Variants in NPAT observed in about 807,000 individuals in gnomAD.
NPAT encodes protein NPAT.
NPAT carries 52 observed loss-of-function variants against 130.7 expected under a neutral mutation model. The ratio of observed to expected loss-of-function variants is 0.40; its 90% CI spans 0.32 to 0.50. The LOEUF is 0.50. Ranked by LOEUF, NPAT falls within the 20% of genes least tolerant of loss-of-function variation. NPAT has a pLI of 0.68. For synonymous variants in NPAT, 580 were observed against 584.8 expected (o/e 0.99, Z 0.12); for missense variants, 1,687 against 1,662.6 (o/e 1.01, Z -0.26).
At chr11:108,187,552 C>A (rs1345353624) in intron 7 of NPAT, among the ~76,000 whole-genome samples, 1 of 152,034 alleles carries the variant, frequency 6.6e-6, no homozygotes, top group Non-Finnish European at 1.5e-5. Flanking sequence ...GAATGAAAGA[C>A]AACCAAAAGT....
intron 15 of NPAT, among the ~76,000 whole-genome samples, chr11:108,169,542 G>A (rs748994071): frequency 2.0e-5 from 3 of 152,198 alleles, no homozygotes; most frequent in Non-Finnish European, 4.4e-5. Flanking sequence ...AAAGCTAACA[G>A]ATTCAACAAA....
intron 1 of NPAT, among the ~76,000 whole-genome samples, chr11:108,209,856 T>C (rs111741588): frequency 0.12 from 15,187 of 127,724 alleles, 1,119 homozygotes; most frequent in Non-Finnish European, 0.15. Flanking sequence ...GCCGCTGCAC[T>C]CCAGCCTGGG....
chr11:108,159,878 C>A (rs2077828843), intron 17 of NPAT, among the ~76,000 whole-genome samples: 1 of 151,352 alleles, frequency 6.6e-6, no homozygotes, highest in Admixed American at 6.6e-5. Flanking sequence ...AATGACCAGG[C>A]GTGGTGGCTC....
intron 1 of NPAT, among the ~76,000 whole-genome samples, chr11:108,210,764 AC>A (rs1350909635): frequency 1.3e-5 from 2 of 152,348 alleles, no homozygotes; most frequent in East Asian, 3.9e-4. Flanking sequence ...AAATGCCCTC[AC>A]TGGTGAATTC....
At chr11:108,207,147 C>T (rs1415632312) in intron 1 of NPAT, among the ~76,000 whole-genome samples, 1 of 152,222 alleles carries the variant, frequency 6.6e-6, no homozygotes, top group Non-Finnish European at 1.5e-5. Context: ...ATGAGACCCA[C>T]AGTGAGTAGC....
intron 1 of NPAT, among the ~76,000 whole-genome samples, chr11:108,204,039 G>A (rs1273753953): frequency 1.2e-4 from 18 of 152,192 alleles, no homozygotes; most frequent in Admixed American, 1.2e-3. Context: ...CTCTGAGAGA[G>A]ATCAGACTGC....
At position 108,220,752 on chromosome 11, in the gene NPAT, A is replaced by G. The variant is rs151322514; in HGVS notation, c.37+1748T>C. The stretch of plus-strand genomic sequence containing the variant: ...TTTTTTGTATTGTATACTCCTGCCC[A>G]TCTGAAATTTTTAGTAAGAATAGAA... On this transcript the variant is annotated intron_variant, in intron 1 of 17. Coordinates refer to ENST00000278612, the MANE Select transcript of NPAT (RefSeq NM_002519.3). 8.5e-5 allele frequency among the ~76,000 whole-genome samples: 13 copies of G among 152,350 alleles called. 2 individuals are homozygous for G. The highest frequency in any genetic ancestry group is 3.1e-4 in the African/African-American group (13 of 41,588).
intron 10 of NPAT, among the ~76,000 whole-genome samples, chr11:108,177,758 C>G (rs1268505294): frequency 6.6e-6 from 1 of 151,918 alleles, no homozygotes; most frequent in Non-Finnish European, 1.5e-5. Flanking sequence ...CTCTGTCACC[C>G]AAGCTGGAGT....
chr11:108,169,941 G>C lies in NPAT; in HGVS notation c.2888C>G (p.Thr963Ser). Residue 963 changes from threonine to serine, a missense_variant, in exon 14 of 18, where the codon ACT becomes AGT. This residue lies in a region of NPAT where 1,379 missense variants were observed against 1,346.6 expected (regional missense o/e 1.02). Transcript: ENST00000278612. The stretch of plus-strand genomic sequence containing the variant: ...CATAAATCTTACCTGCCGAGGAGGA[G>C]TAGAAAAGTTATTTCCATTCTGTCC... ...VVGQNGNNFS[T>S]PPRQVLHMPL... 6.2e-7 allele frequency: 1 copy of C among 1,613,232 alleles called. No homozygotes were observed. The highest frequency in any genetic ancestry group is 1.1e-5 in the South Asian group (1 of 91,068).
intron 1 of NPAT, among the ~76,000 whole-genome samples, chr11:108,213,030 T>G (rs1477268035): frequency 6.8e-6 from 1 of 147,130 alleles, no homozygotes; most frequent in Non-Finnish European, 1.5e-5. Context: ...ATCCAGCACT[T>G]TGGGAGGCCA....
At chr11:108,179,291 A>C (rs1219756568) in intron 10 of NPAT, among the ~76,000 whole-genome samples, 4 of 151,452 alleles carry the variant, frequency 2.6e-5, no homozygotes, top group Admixed American at 6.6e-5. Flanking sequence ...TTTTTTTTTG[A>C]TGGAGTGTTC....
At position 108,172,200 on chromosome 11, in the gene NPAT, T is replaced by C; in HGVS notation, c.2784A>G (p.Gln928=). The change falls in exon 13 of 18, where the codon CAA becomes CAG. Residue 928 remains glutamine (Q), a splice_region_variant and synonymous_variant. Coordinates refer to ENST00000278612, the MANE Select transcript of NPAT (RefSeq NM_002519.3). ...TTTCAATTATGTTATTAAAGTTACCTTGTGAAAAGTTTGGTGACACAGCTT... is the reference window on the plus strand; with the variant it reads ...TTTCAATTATGTTATTAAAGTTACCCTGTGAAAAGTTTGGTGACACAGCTT... The part of the protein sequence containing the change: ...VNQAVSPNFS[Q]GSAIIIASPV... The C allele has an allele frequency of 6.2e-7, 1 of 1,613,762 alleles. No homozygotes were observed. The highest frequency in any genetic ancestry group is 8.5e-7 in the Non-Finnish European group (1 of 1,179,656).
intron 1 of NPAT, among the ~76,000 whole-genome samples, chr11:108,218,389 A>T (rs2078454101): frequency 6.6e-6 from 1 of 152,218 alleles, no homozygotes; most frequent in Admixed American, 6.5e-5. Context: ...AAAGCAAGCA[A>T]GAGATAGTAA....
At chr11:108,206,583 A>G (rs901564516) in intron 1 of NPAT, among the ~76,000 whole-genome samples, 2 of 152,102 alleles carry the variant, frequency 1.3e-5, no homozygotes, top group Non-Finnish European at 2.9e-5. Flanking sequence ...AGAATCCCAG[A>G]GCCCCAAAGA....
chr11:108,205,542 T>C (rs567173796), intron 1 of NPAT, among the ~76,000 whole-genome samples: 1 of 152,326 alleles, frequency 6.6e-6, no homozygotes, highest in Non-Finnish European at 1.5e-5. Context: ...GTGCTGGGAT[T>C]ACAGGAGTAA....
At chr11:108,184,617 G>A (rs966947883) in intron 10 of NPAT, among the ~76,000 whole-genome samples, 1 of 151,882 alleles carries the variant, frequency 6.6e-6, no homozygotes, top group Non-Finnish European at 1.5e-5. Context: ...TGCAACCTCC[G>A]CCCTCCCAGA....
chr11:108,217,462 C>T (rs1206670949), intron 1 of NPAT, among the ~76,000 whole-genome samples: 1 of 151,942 alleles, frequency 6.6e-6, no homozygotes, highest in Non-Finnish European at 1.5e-5. Context: ...TATCAGTTAG[C>T]CTATGGTAAA....
intron 1 of NPAT, among the ~76,000 whole-genome samples, chr11:108,210,123 AAG>A (rs2078370773): frequency 6.6e-6 from 1 of 150,810 alleles, no homozygotes; most frequent in Admixed American, 6.6e-5. Context: ...TCAGAAAAGT[AAG>A]AGGGGATATT....
At chr11:108,189,801 C>T (rs1370192944) in intron 5 of NPAT, among the ~76,000 whole-genome samples, 4 of 145,274 alleles carry the variant, frequency 2.8e-5, no homozygotes, top group East Asian at 2.1e-4. Context: ...ACCCGGGAGG[C>T]GGAGCTTGCA....
Sources: allele counts gnomAD v4.1 joint callset (sites outside exome capture counted in the v4.1 genomes callset), GRCh38; gene constraint gnomAD v4.1.1; regional missense constraint gnomAD v4.1.1; transcripts MANE v1.5; gene names NCBI Gene and HGNC (gene_info 2026-07-23, HGNC 2026-07-21).